The following PTPRD variants were observed in gnomAD, a reference collection of about 807,000 sequenced individuals.
PTPRD encodes the protein protein tyrosine phosphatase receptor type D.
In PTPRD, 34 loss-of-function variants were observed where a neutral mutation model predicts 214.5. The observed-to-expected ratio is 0.16, with a 90% CI of 0.12 to 0.21. The LOEUF (loss-of-function observed/expected upper bound fraction) is 0.21, where lower values mean the gene tolerates loss of function less well. PTPRD is among the 10% of genes least tolerant of loss of function. The probability of loss-of-function intolerance (pLI) is 1.00; values close to 1 mark genes in which losing one functional copy is unlikely to be tolerated. For synonymous variants in PTPRD, 1,128 were observed against 845.7 expected, an observed-to-expected ratio of 1.33 and a Z score of -5.79; for missense variants, 2,545 against 2,398.7, an observed-to-expected ratio of 1.06 and a Z score of -1.27.
At chr9:9,404,865 C>T (rs974077291) in intron 8 of PTPRD, among the ~76,000 whole-genome samples, 2 of 151,986 alleles carry the variant, frequency 1.3e-5, no homozygotes, top group African/African-American at 4.8e-5. Context: ...AATTATGTGG[C>T]CCTGTGCTAG....
At chr9:10,489,427 G>A (rs1223628111) in intron 2 of PTPRD, among the ~76,000 whole-genome samples, 2 of 152,136 alleles carry the variant, frequency 1.3e-5, no homozygotes, top group Non-Finnish European at 2.9e-5. Context: ...CCTGGGGTCA[G>A]GGGAGGGGTG....
chr9:9,672,181 A>G (rs951671536), intron 7 of PTPRD, among the ~76,000 whole-genome samples: 1 of 152,206 alleles, frequency 6.6e-6, no homozygotes, highest in African/African-American at 2.4e-5. Context: ...GAAAACAGGT[A>G]TAATTCTATA....
chr9:9,695,770 TC>T lies in PTPRD; in HGVS notation c.-287+38762del, dbSNP rs2097362268. Among the ~76,000 whole-genome samples, 3 of 152,172 alleles carry T rather than the reference TC, an allele frequency of 2.0e-5. No homozygotes were observed. The South Asian group carries it at 6.2e-4, about 32-fold the overall frequency. On this transcript the variant is annotated intron_variant, in intron 7 of 45. Transcript: ENST00000381196. ...AATCCTATATGATCATGGTGATAGA[TC>T]ATTTTAATGTGTTGTTGAATTAGGT...
intron 2 of PTPRD, among the ~76,000 whole-genome samples, chr9:10,592,172 A>C (rs574616149): frequency 6.6e-6 from 1 of 152,160 alleles, no homozygotes; most frequent in East Asian, 1.9e-4. Context: ...AATTGGTCTG[A>C]ACTCCCCAGG....
intron 10 of PTPRD, among the ~76,000 whole-genome samples, chr9:9,158,980 G>A (rs968136422): frequency 7.9e-5 from 12 of 152,160 alleles, no homozygotes; most frequent in Non-Finnish European, 1.2e-4. Flanking sequence ...CCCAAAACAT[G>A]TGGAAAAAGC....
chr9:10,144,467 G>A (rs1486250461), intron 3 of PTPRD, among the ~76,000 whole-genome samples: 1 of 152,006 alleles, frequency 6.6e-6, no homozygotes, highest in African/African-American at 2.4e-5. Flanking sequence ...TATTCCCCCT[G>A]CTCTTAGGTA....
intron 9 of PTPRD, among the ~76,000 whole-genome samples, chr9:9,285,339 G>A (rs2133815344): frequency 6.6e-6 from 1 of 151,742 alleles, no homozygotes; most frequent in East Asian, 2.0e-4. Context: ...TTCCTATAAT[G>A]CTAATTGCTC....
intron 3 of PTPRD, among the ~76,000 whole-genome samples, chr9:10,281,372 T>C (rs1339797204): frequency 6.6e-6 from 1 of 152,192 alleles, no homozygotes; most frequent in Non-Finnish European, 1.5e-5. Context: ...GGCTCTCACC[T>C]TTCACAGTTA....
intron 2 of PTPRD, among the ~76,000 whole-genome samples, chr9:10,368,584 A>G (rs1482042637): frequency 6.6e-6 from 1 of 152,070 alleles, no homozygotes; most frequent in Non-Finnish European, 1.5e-5. Context: ...GAAATATTAG[A>G]AAGAATACAG....
intron 7 of PTPRD, among the ~76,000 whole-genome samples, chr9:9,679,696 C>G (rs1487624924): frequency 6.6e-6 from 1 of 151,822 alleles, no homozygotes; most frequent in Non-Finnish European, 1.5e-5. Context: ...TAGCGATTAA[C>G]AGAGTCAAAT....
intron 5 of PTPRD, among the ~76,000 whole-genome samples, chr9:9,884,434 C>G (rs2070020624): frequency 6.6e-6 from 1 of 152,094 alleles, no homozygotes. Context: ...AAAGCCCTTC[C>G]TCAATATTAT....
At chr9:9,096,005 A>AG (rs1386720619) in intron 10 of PTPRD, among the ~76,000 whole-genome samples, 1 of 152,208 alleles carries the variant, frequency 6.6e-6, no homozygotes, top group Non-Finnish European at 1.5e-5. Flanking sequence ...AGACTCAGAA[A>AG]GAAAATATTG....
chr9:8,800,578 G>C (rs1489406729), intron 11 of PTPRD, among the ~76,000 whole-genome samples: 1 of 152,182 alleles, frequency 6.6e-6, no homozygotes, highest in Non-Finnish European at 1.5e-5. Context: ...CCATGGCAAT[G>C]TCAGGAAGTT....
At chr9:9,518,424 G>A (rs1180695655) in intron 8 of PTPRD, among the ~76,000 whole-genome samples, 1 of 152,066 alleles carries the variant, frequency 6.6e-6, no homozygotes, top group Non-Finnish European at 1.5e-5. Context: ...TAGATGTGTA[G>A]GAGATAGGTG....
At chr9:8,929,275 A>G (rs747283330) in intron 11 of PTPRD, among the ~76,000 whole-genome samples, 1 of 152,116 alleles carries the variant, frequency 6.6e-6, no homozygotes, top group Non-Finnish European at 1.5e-5. Flanking sequence ...CCGGTTTTCA[A>G]AGGGAATCCT....
chr9:8,338,599 T>A (rs1849248486), intron 43 of PTPRD, among the ~76,000 whole-genome samples: 1 of 152,084 alleles, frequency 6.6e-6, no homozygotes, highest in East Asian at 1.9e-4. Context: ...CCAAAGAGCA[T>A]GAGCTGAGAA....
At chr9:9,570,351 T>A (rs966984809) in intron 8 of PTPRD, among the ~76,000 whole-genome samples, 2 of 151,524 alleles carry the variant, frequency 1.3e-5, no homozygotes, top group Non-Finnish European at 3.0e-5. Flanking sequence ...GGATGTTACT[T>A]GTATGTCGTT....
intron 3 of PTPRD, among the ~76,000 whole-genome samples, chr9:10,278,767 T>TTG (rs1555025753): frequency 2.6e-5 from 4 of 151,528 alleles, no homozygotes; most frequent in African/African-American, 9.7e-5. Flanking sequence ...AAAGGTTTTT[T>TTG]TTTTGTTTTG....
At position 9,481,936 on chromosome 9, in the gene PTPRD, A is replaced by C. The variant is rs1032222120; in HGVS notation, c.-236-84454T>G. Among the ~76,000 whole-genome samples, 8 of 152,304 alleles carry C rather than the reference A, an allele frequency of 5.3e-5. 1 individual carries two copies. In the South Asian group the frequency reaches 1.2e-3, roughly 24 times the overall value. On this transcript the variant is annotated intron_variant, in intron 8 of 45. Coordinates refer to ENST00000381196, the MANE Select transcript of PTPRD (RefSeq NM_002839.4). ...GAATCTTAATAGATAAAAATTAATA[A>C]AATCAAATCTGCTTGAATTATCACA...
Sources: allele counts gnomAD v4.1 joint callset (sites outside exome capture counted in the v4.1 genomes callset), GRCh38; gene constraint gnomAD v4.1.1; transcripts MANE v1.5; gene names NCBI Gene and HGNC (gene_info 2026-07-23, HGNC 2026-07-21).